The following AFF1 variants were observed in gnomAD, a reference collection of about 807,000 sequenced individuals.
AFF1 encodes ALF transcription elongation factor 1.
AFF1 carries 48 observed loss-of-function variants against 121.7 expected under a neutral mutation model. That is an observed-to-expected ratio of 0.39 (90% CI 0.31 to 0.50). The LOEUF (loss-of-function observed/expected upper bound fraction) is 0.50, where lower values mean the gene tolerates loss of function less well. Among genes scored for constraint, AFF1 ranks in the 20% least tolerant of loss-of-function variants. The pLI, the probability that AFF1 is intolerant of heterozygous loss-of-function variation, is 0.76. For missense variants in AFF1, 1,523 were observed against 1,511.7 expected (o/e 1.01, Z -0.12); for synonymous variants, 613 against 563.0 (o/e 1.09, Z -1.26).
Position 87,138,163 on chromosome 4 carries a change from A to C in AFF1, c.*2462A>C. On this transcript the variant is annotated 3_prime_UTR_variant, in exon 21 of 21. Transcript: ENST00000395146. ...CCTTATTGCATTGTACCTAAAGGAGAGTAACTAATGGTAACCTTTTTAATA... is the reference window on the plus strand; with the variant it reads ...CCTTATTGCATTGTACCTAAAGGAGCGTAACTAATGGTAACCTTTTTAATA... 1 of 232,408 alleles carries C rather than the reference A, an allele frequency of 4.3e-6. No homozygotes were observed. Among genetic ancestry groups the C allele is most frequent in the Non-Finnish European group, 8.5e-6 (1 of 117,566 alleles). 14.4% of individuals were successfully genotyped at this position (232,408 alleles called of 1,614,324 possible).
chr4:87,122,808 A>G (rs1312746877), intron 12 of AFF1, among the ~76,000 whole-genome samples: 1 of 151,416 alleles, frequency 6.6e-6, no homozygotes, highest in Non-Finnish European at 1.5e-5. Context: ...AATAGAATAT[A>G]AGCCACATAT....
At chr4:87,086,443 C>T (rs548697088) in intron 5 of AFF1, among the ~76,000 whole-genome samples, 1 of 152,148 alleles carries the variant, frequency 6.6e-6, no homozygotes, top group Non-Finnish European at 1.5e-5. Flanking sequence ...CCCAGGATCA[C>T]GTTAGTGAAT....
At chr4:86,938,996 C>G (rs1447899820) in intron 1 of AFF1, among the ~76,000 whole-genome samples, 4 of 152,194 alleles carry the variant, frequency 2.6e-5, no homozygotes, top group Non-Finnish European at 4.4e-5. Context: ...CAAATAGTGC[C>G]TGAAGGAATC....
At chr4:87,078,966 C>T (rs1722924913) in intron 4 of AFF1, among the ~76,000 whole-genome samples, 1 of 151,966 alleles carries the variant, frequency 6.6e-6, no homozygotes, top group Non-Finnish European at 1.5e-5. Flanking sequence ...CATATTTGAC[C>T]TTCATACCAA....
chr4:87,044,011 GTTCA>G (rs1730419880), intron 2 of AFF1, among the ~76,000 whole-genome samples: 1 of 151,954 alleles, frequency 6.6e-6, no homozygotes, highest in African/African-American at 2.4e-5. Flanking sequence ...TAGAGATAGG[GTTCA>G]CCATGTTGGC....
intron 2 of AFF1, among the ~76,000 whole-genome samples, chr4:87,034,202 C>A (rs555821700): frequency 2.6e-5 from 4 of 152,156 alleles, no homozygotes; most frequent in Admixed American, 2.6e-4. Context: ...CGGGGATTAG[C>A]GATGCACAGC....
At chr4:87,047,740 A>T (rs1730862475) in intron 4 of AFF1, 146 bp downstream of exon 4, 1 of 1,051,628 alleles carries the variant, frequency 9.5e-7, no homozygotes, top group East Asian at 2.4e-5. Context: ...TCTTGTTAAT[A>T]ACCCGCGAAA....
intron 2 of AFF1, among the ~76,000 whole-genome samples, chr4:87,019,090 G>T (rs1288850967): frequency 6.6e-6 from 1 of 152,212 alleles, no homozygotes; most frequent in African/African-American, 2.4e-5. Flanking sequence ...GCCAAAAATA[G>T]ATCTTGAAGA....
chr4:87,004,599 A>AT (rs1386622980), intron 2 of AFF1, among the ~76,000 whole-genome samples: 2 of 152,102 alleles, frequency 1.3e-5, no homozygotes, highest in African/African-American at 2.4e-5. Context: ...TGGATTTCAG[A>AT]TTTTTTCTGA....
chr4:87,117,320 G>A (rs1168273876), intron 12 of AFF1, among the ~76,000 whole-genome samples: 1 of 152,088 alleles, frequency 6.6e-6, no homozygotes, highest in Non-Finnish European at 1.5e-5. Context: ...CATCTTAATC[G>A]AGTGCATGAT....
At chr4:86,981,036 G>A (rs1259708392) in intron 2 of AFF1, among the ~76,000 whole-genome samples, 11 of 149,382 alleles carry the variant, frequency 7.4e-5, no homozygotes, top group Admixed American at 2.7e-4. Flanking sequence ...GTTTTGAGAC[G>A]GGGTCTCGCT....
At position 87,134,610 on chromosome 4, in the gene AFF1, T is replaced by A; in HGVS notation, c.3451T>A (p.Ser1151Thr). The A allele has an allele frequency of 1.9e-6, 3 of 1,614,192 alleles. No individual in the cohort carries two copies. The highest frequency in any genetic ancestry group is 2.5e-6 in the Non-Finnish European group (3 of 1,180,034). The change falls in exon 20 of 21, where the codon TCT (serine) becomes ACT (threonine). Residue 1151 changes from serine to threonine, a missense_variant. Around this residue, in one of 5 missense-constraint regions of AFF1, gnomAD observed 241 missense variants for 265.2 expected, o/e 0.91. Transcript: ENST00000395146. ...STPVTIQNMT[S>T]SYVTITSHVL... ...CCCAGTCACCATCCAGAATATGACATCTTCCTATGTCACCATCACATCCCA... is the reference window on the plus strand; with the variant it reads ...CCCAGTCACCATCCAGAATATGACAACTTCCTATGTCACCATCACATCCCA...
chr4:87,131,605 C>T (rs548671754), intron 17 of AFF1, among the ~76,000 whole-genome samples, 188 bp from the exon 18 acceptor site: 22 of 152,286 alleles, frequency 1.4e-4, no homozygotes, highest in East Asian at 9.6e-4. Flanking sequence ...ACACAAGAGA[C>T]GTGTACTCAC....
chr4:86,977,474 G>C (rs1042331016), intron 2 of AFF1, among the ~76,000 whole-genome samples: 1 of 152,300 alleles, frequency 6.6e-6, no homozygotes, highest in African/African-American at 2.4e-5. Flanking sequence ...GATAAGGGGG[G>C]CTTCTGTATT....
intron 2 of AFF1, among the ~76,000 whole-genome samples, chr4:86,956,063 T>C (rs1721717505): frequency 6.6e-6 from 1 of 152,198 alleles, no homozygotes; most frequent in African/African-American, 2.4e-5. Flanking sequence ...TTTCCTGAAA[T>C]AGTGATTGGC....
At chr4:86,976,498 C>T (rs1430401966) in intron 2 of AFF1, among the ~76,000 whole-genome samples, 2 of 152,090 alleles carry the variant, frequency 1.3e-5, no homozygotes, top group African/African-American at 4.8e-5. Flanking sequence ...AGGTCATTAT[C>T]CTAAGCAAAC....
chr4:87,062,987 T>G (rs980224339), intron 4 of AFF1, among the ~76,000 whole-genome samples: 2 of 152,144 alleles, frequency 1.3e-5, no homozygotes, highest in Non-Finnish European at 2.9e-5. Context: ...TGTTTTTACC[T>G]TCTCGAGGCC....
At chr4:87,060,798 C>T (rs1262848219) in intron 4 of AFF1, among the ~76,000 whole-genome samples, 1 of 132,432 alleles carries the variant, frequency 7.6e-6, no homozygotes, top group Non-Finnish European at 1.6e-5. Context: ...GAGATCACGC[C>T]ACTGCACTCC....
chr4:87,067,897 T>A (rs1455710940), intron 4 of AFF1, among the ~76,000 whole-genome samples: 1 of 152,234 alleles, frequency 6.6e-6, no homozygotes, highest in Non-Finnish European at 1.5e-5. Flanking sequence ...ATTACTCGGA[T>A]TTTTATTTCT....
Sources: allele counts gnomAD v4.1 joint callset (sites outside exome capture counted in the v4.1 genomes callset), GRCh38; gene constraint gnomAD v4.1.1; regional missense constraint gnomAD v4.1.1; transcripts MANE v1.5; gene names NCBI Gene and HGNC (gene_info 2026-07-23, HGNC 2026-07-21).